The following ANKRD30A variants were observed in gnomAD, a reference collection of about 807,000 sequenced individuals.
ANKRD30A encodes ankyrin repeat domain-containing protein 30A.
ANKRD30A carries 170 observed loss-of-function variants against 166.3 expected under a neutral mutation model. The observed-to-expected ratio is 1.02, with a 90% confidence interval of 0.90 to 1.16. The LOEUF is 1.16. Among genes scored for constraint, ANKRD30A ranks in the 50% most tolerant of loss-of-function variants. The pLI, the probability that ANKRD30A is intolerant of heterozygous loss-of-function variation, is 0.00. For synonymous variants in ANKRD30A, 564 were observed against 508.9 expected (o/e 1.11, Z -1.46); for missense variants, 1,630 against 1,518.0 (o/e 1.07, Z -1.23).
At chr10:37,146,114 A>ACAAG (rs1837491275) in intron 8 of ANKRD30A, among the ~76,000 whole-genome samples, 2 of 152,258 alleles carry the variant, frequency 1.3e-5, no homozygotes, top group Non-Finnish European at 2.9e-5. Flanking sequence ...GGTAACAGAA[A>ACAAG]TGAGATGACA....
At chr10:37,252,446 A>G in the ANKRD30A span, among the ~76,000 whole-genome samples, 1 of 152,232 alleles carries the variant, frequency 6.6e-6, no homozygotes, top group East Asian at 1.9e-4. Context: ...AATAAAACTT[A>G]GTGGTACCTC....
intron 31 of ANKRD30A, among the ~76,000 whole-genome samples, chr10:37,202,357 G>A (rs1841684590): frequency 6.6e-6 from 1 of 152,054 alleles, no homozygotes; most frequent in Admixed American, 6.6e-5. Context: ...TTAACTACAT[G>A]GAAACTGAAC....
intron 18 of ANKRD30A, among the ~76,000 whole-genome samples, chr10:37,166,396 G>A (rs1156667552): frequency 5.9e-5 from 9 of 152,084 alleles, no homozygotes; most frequent in African/African-American, 1.4e-4. Flanking sequence ...TAATGGCCAC[G>A]TGAACGTAAA....
At chr10:37,228,272 T>C (rs560287665) in intron 34 of ANKRD30A, among the ~76,000 whole-genome samples, 7 of 152,138 alleles carry the variant, frequency 4.6e-5, no homozygotes, top group South Asian at 2.1e-4. Flanking sequence ...TGAAGAAGCA[T>C]TGTGGTACAA....
At chr10:37,244,683 G>T in the ANKRD30A span, among the ~76,000 whole-genome samples, 1 of 152,160 alleles carries the variant, frequency 6.6e-6, no homozygotes, top group Non-Finnish European at 1.5e-5. Flanking sequence ...GTGCCAAGCT[G>T]CCCTTTTACA....
At chr10:37,144,006 A>G (rs1025504785) in intron 7 of ANKRD30A, among the ~76,000 whole-genome samples, 2 of 151,930 alleles carry the variant, frequency 1.3e-5, no homozygotes, top group African/African-American at 2.4e-5. Flanking sequence ...TCAAGTTCAG[A>G]AGCTCAATTT....
intron 29 of ANKRD30A, among the ~76,000 whole-genome samples, chr10:37,198,272 C>A (rs1841321663): frequency 6.6e-6 from 1 of 151,858 alleles, no homozygotes; most frequent in East Asian, 1.9e-4. Flanking sequence ...GATGGTTGTG[C>A]AGTGTAATGT....
intron 3 of ANKRD30A, among the ~76,000 whole-genome samples, chr10:37,131,608 C>T (rs559588414): frequency 1.4e-4 from 22 of 152,192 alleles, no homozygotes; most frequent in Non-Finnish European, 2.4e-4. Context: ...GAGAATCAAG[C>T]GAGTTTGTAT....
At chr10:37,202,313 A>G (rs1443862739) in intron 31 of ANKRD30A, among the ~76,000 whole-genome samples, 1 of 152,190 alleles carries the variant, frequency 6.6e-6, no homozygotes, top group Non-Finnish European at 1.5e-5. Context: ...CAATAAAACT[A>G]GAACTCAGGA....
In ANKRD30A at chr10:37,193,172, C is replaced by A. The variant is rs373844767; in HGVS notation, c.2542-14C>A. ...ACATTGTATATTAATTGTTTTGTTT[C>A]TAAACCCATTTAGGCTCCCTGCAGA... On this transcript the variant is annotated splice_polypyrimidine_tract_variant and intron_variant, in intron 26 of 35. Coordinates refer to ENST00000361713, the MANE Select transcript of ANKRD30A (RefSeq NM_052997.3). 6.2e-7 allele frequency: 1 copy of A among 1,611,462 alleles called. No individual in the cohort carries two copies. The highest frequency in any genetic ancestry group is 1.3e-5 in the African/African-American group (1 of 74,638).
chr10:37,129,933 G>T lies in ANKRD30A; in HGVS notation c.262G>T (p.Val88Leu). 1 of 1,574,726 alleles carries T rather than the reference G, an allele frequency of 6.4e-7. No individual in the cohort carries two copies. Among genetic ancestry groups the T allele is most frequent in the Non-Finnish European group, 8.6e-7 (1 of 1,158,068 alleles). Residue 88 changes from valine (V) to leucine (L), a missense_variant, in exon 2 of 36, where the codon GTA becomes TTA. By Grantham distance (32) the Val-to-Leu change is conservative. Around this residue, in one of 4 missense-constraint regions of ANKRD30A, gnomAD observed 904 missense variants for 818.5 expected, o/e 1.10. Transcript: ENST00000361713. ...GGCCTGTGTCAATGGCCATGAGGAA[G>T]TAGTAACATTTCTGGTAGACAGAAA... ...HWACVNGHEE[V>L]VTFLVDRKCQ...
intron 31 of ANKRD30A, among the ~76,000 whole-genome samples, chr10:37,214,135 G>A (rs995509710): frequency 3.3e-5 from 5 of 151,546 alleles, no homozygotes; most frequent in Non-Finnish European, 5.9e-5. Context: ...TCTTGATTAA[G>A]TGAACCCTTT....
At chr10:37,236,830 C>G (rs569880535), downstream of ANKRD30A, among the ~76,000 whole-genome samples, 2 of 152,254 alleles carry the variant, frequency 1.3e-5, no homozygotes, top group African/African-American at 4.8e-5. Flanking sequence ...AAGCCAAGTC[C>G]TATTTGGAGA....
Position 37,217,747 on chromosome 10 carries a change from G to GA in ANKRD30A, c.3142dup (p.Ile1048AsnfsTer2), listed in dbSNP as rs1308226053. 1 of 1,594,658 alleles carries GA rather than the reference G, an allele frequency of 6.3e-7. No homozygotes were observed. Among genetic ancestry groups the GA allele is most frequent in the Non-Finnish European group, 8.5e-7 (1 of 1,171,192 alleles). Reference sequence around the variant, plus strand: ...GAGAAGAAATGCCGATATATTAAATGAAAAAATTAGGGAAGAATTAGGAAG... The same window carrying GA: ...GAGAAGAAATGCCGATATATTAAATGAAAAAAATTAGGGAAGAATTAGGAAG... On this transcript the variant is annotated frameshift_variant, in exon 33 of 36. Transcript: ENST00000361713. LOFTEE classifies it high-confidence loss of function.
intron 7 of ANKRD30A, among the ~76,000 whole-genome samples, chr10:37,144,616 A>G (rs1340087882): frequency 3.9e-5 from 6 of 152,202 alleles, no homozygotes; most frequent in Non-Finnish European, 8.8e-5. Context: ...AGTCAATCAA[A>G]CTACATAATA....
At chr10:37,212,764 G>A (rs1418465029) in intron 31 of ANKRD30A, among the ~76,000 whole-genome samples, 2 of 151,760 alleles carry the variant, frequency 1.3e-5, no homozygotes, top group African/African-American at 4.8e-5. Flanking sequence ...AAGGGGTCGA[G>A]TTTCAGTTTT....
the ANKRD30A span, among the ~76,000 whole-genome samples, chr10:37,253,240 A>C: frequency 6.6e-6 from 1 of 152,164 alleles, no homozygotes; most frequent in Non-Finnish European, 1.5e-5. Context: ...GAGGATAAAA[A>C]TGTGCTGTAT....
chr10:37,137,776 T>C (rs1425470691), intron 6 of ANKRD30A, among the ~76,000 whole-genome samples: 8 of 152,144 alleles, frequency 5.3e-5, no homozygotes, highest in Non-Finnish European at 1.2e-4. Context: ...CCTGCCTGCC[T>C]CTGTAGACTC....
At chr10:37,192,201 T>A (rs1840642353) in intron 25 of ANKRD30A, among the ~76,000 whole-genome samples, 1 of 151,914 alleles carries the variant, frequency 6.6e-6, no homozygotes, top group South Asian at 2.1e-4. Context: ...CATACCTGGC[T>A]GATTTTTGTA....
Sources: allele counts gnomAD v4.1 joint callset (sites outside exome capture counted in the v4.1 genomes callset), GRCh38; gene constraint gnomAD v4.1.1; regional missense constraint gnomAD v4.1.1; transcripts MANE v1.5; gene names NCBI Gene and HGNC (gene_info 2026-07-23, HGNC 2026-07-21).